TTLL11: variants seen among roughly 807,000 people sequenced by gnomAD.
TTLL11 encodes the protein tubulin polyglutamylase TTLL11.
A neutral mutation model predicts 51.7 loss-of-function variants in TTLL11; 42 were observed. The ratio of observed to expected loss-of-function variants is 0.81; its 90% CI spans 0.64 to 1.05. TTLL11 has a LOEUF of 1.05. Ranked by LOEUF, TTLL11 falls within the 50% of genes least tolerant of loss-of-function variation. The pLI is 0.00. For synonymous variants in TTLL11, 381 were observed against 383.5 expected (o/e 0.99, Z 0.08); for missense variants, 799 against 940.4 (o/e 0.85, Z 1.97).
Position 121,941,670 on chromosome 9 carries a change from A to G in TTLL11, c.1481+32339T>C, listed in dbSNP as rs188544909. 1.2e-4 allele frequency among the ~76,000 whole-genome samples: 18 copies of G among 152,234 alleles called. No homozygotes were observed. The East Asian group carries it at 3.5e-3, about 29-fold the overall frequency. ...CAATTCTTTCCCAGCTCCCCTGCCC[A>G]GTGCTTTTGTTCAGAGGGCACACTT... On this transcript the variant is annotated intron_variant, in intron 6 of 8. Coordinates refer to ENST00000321582, the MANE Select transcript of TTLL11 (RefSeq NM_001139442.2).
chr9:121,872,939 A>G (rs1048129587), intron 6 of TTLL11, among the ~76,000 whole-genome samples: 1 of 152,182 alleles, frequency 6.6e-6, no homozygotes. Context: ...AAGACAGTAA[A>G]TATCAGGTGG....
At chr9:121,877,183 T>G (rs911324557) in intron 6 of TTLL11, among the ~76,000 whole-genome samples, 21 of 152,304 alleles carry the variant, frequency 1.4e-4, no homozygotes, top group Admixed American at 1.4e-3. Flanking sequence ...ACTAGCGGAT[T>G]CCAAACGCAC....
At chr9:121,825,786 T>C (rs1836734199) in intron 8 of TTLL11, among the ~76,000 whole-genome samples, 1 of 151,920 alleles carries the variant, frequency 6.6e-6, no homozygotes, top group Non-Finnish European at 1.5e-5. Flanking sequence ...GTTCCCTTAG[T>C]TGATGGTAGA....
At chr9:121,902,762 GGGCCACAGGAATGGTCAGT>G (rs1839818695) in intron 6 of TTLL11, among the ~76,000 whole-genome samples, 2 of 152,074 alleles carry the variant, frequency 1.3e-5, no homozygotes, top group Admixed American at 6.6e-5. Context: ...AGCAGACCCA[GGGCCACAGGAATGGTCAGT>G]GGCCACAGGA....
intron 1 of TTLL11, among the ~76,000 whole-genome samples, chr9:122,052,761 C>T (rs111287717): frequency 1.3e-5 from 2 of 152,144 alleles, no homozygotes; most frequent in African/African-American, 4.8e-5. Flanking sequence ...TGGGTAGGCA[C>T]GTAACCTCTG....
At chr9:121,839,660 C>T (rs1379949119) in intron 8 of TTLL11, among the ~76,000 whole-genome samples, 1 of 152,180 alleles carries the variant, frequency 6.6e-6, no homozygotes, top group Non-Finnish European at 1.5e-5. Context: ...CCATTCTATC[C>T]AAAGATGGGC....
chr9:121,997,321 G>T (rs1318638191), intron 3 of TTLL11, among the ~76,000 whole-genome samples: 4 of 152,148 alleles, frequency 2.6e-5, no homozygotes, highest in Non-Finnish European at 5.9e-5. Flanking sequence ...GCTGAGGGGA[G>T]TGAGAACACA....
At chr9:121,827,122 CA>C (rs1836836492) in intron 8 of TTLL11, among the ~76,000 whole-genome samples, 2 of 151,922 alleles carry the variant, frequency 1.3e-5, no homozygotes, top group Non-Finnish European at 2.9e-5. Context: ...GATTTCTAAC[CA>C]TTTTTTTTTA....
chr9:121,842,259 A>ATTT (rs1427793063), intron 8 of TTLL11, among the ~76,000 whole-genome samples: 49 of 146,176 alleles, frequency 3.4e-4, no homozygotes, highest in South Asian at 1.5e-3. Context: ...CTTTTTTTTA[A>ATTT]AAAAAAAAGA....
At chr9:121,884,758 CA>C (rs1838943166) in intron 6 of TTLL11, 1 of 152,184 alleles carries the variant, frequency 6.6e-6, no homozygotes, top group Admixed American at 6.5e-5. Flanking sequence ...GACACAGAGA[CA>C]GGGGGCACTT....
intron 1 of TTLL11, among the ~76,000 whole-genome samples, chr9:122,092,168 G>A (rs916501880): frequency 6.6e-6 from 1 of 152,198 alleles, no homozygotes; most frequent in African/African-American, 2.4e-5. Context: ...TCACTTTACA[G>A]AGAAGGTAAT....
chr9:121,975,017 A>G (rs1842667139), intron 4 of TTLL11, 38 bp from the exon 5 acceptor site: 1 of 1,431,440 alleles, frequency 7.0e-7, no homozygotes, highest in African/African-American at 1.5e-5. Context: ...TACTGTCTCT[A>G]TTGAGTATGG....
At position 122,040,386 on chromosome 9, in the gene TTLL11, G is replaced by T. The variant is rs547314848; in HGVS notation, c.463-1018C>A. 121 of 984,458 alleles carry T rather than the reference G, an allele frequency of 1.2e-4. 2 individuals are homozygous for T. In the South Asian group the frequency reaches 4.9e-3, roughly 40 times the overall value. The allele number at this position is 984,458 out of a possible 1,614,324, so 61.0% of individuals were successfully genotyped here. A position where few individuals can be genotyped will look rare whatever the true frequency, so the allele number is the denominator to read the frequency against. On this transcript the variant is annotated intron_variant, in intron 1 of 8. Transcript: ENST00000321582. Reference sequence around the variant, plus strand: ...GAAAATTTCTCACCGAGACAAAAGGGCCTGTTCTTTCCACTACATCCTGTT... The same window carrying T: ...GAAAATTTCTCACCGAGACAAAAGGTCCTGTTCTTTCCACTACATCCTGTT...
At chr9:121,914,965 C>T (rs1044475450) in intron 6 of TTLL11, among the ~76,000 whole-genome samples, 2 of 152,166 alleles carry the variant, frequency 1.3e-5, no homozygotes, top group African/African-American at 4.8e-5. Context: ...TGCCTCTAAC[C>T]CGCTCTCCAC....
intron 6 of TTLL11, among the ~76,000 whole-genome samples, chr9:121,892,838 T>TG (rs1839303481): frequency 6.6e-6 from 1 of 151,858 alleles, no homozygotes; most frequent in African/African-American, 2.4e-5. Flanking sequence ...CTGTTTTGAG[T>TG]GGGGAAGGAG....
At chr9:121,943,496 A>G (rs948898616) in intron 6 of TTLL11, among the ~76,000 whole-genome samples, 2 of 152,218 alleles carry the variant, frequency 1.3e-5, no homozygotes, top group Admixed American at 1.3e-4. Flanking sequence ...CCGAGGGACA[A>G]AACCTTTTAT....
intron 7 of TTLL11, among the ~76,000 whole-genome samples, chr9:121,862,626 C>T (rs1413337191): frequency 2.6e-5 from 4 of 152,198 alleles, no homozygotes; most frequent in African/African-American, 9.6e-5. Flanking sequence ...CTGGAAGCAG[C>T]CCTTGGCTTG....
At chr9:121,897,182 G>GT (rs1554766677) in intron 6 of TTLL11, among the ~76,000 whole-genome samples, 1 of 152,212 alleles carries the variant, frequency 6.6e-6, no homozygotes, top group East Asian at 1.9e-4. Context: ...GCTTGCAGTA[G>GT]TTTTTTTCCA....
intron 4 of TTLL11, among the ~76,000 whole-genome samples, chr9:121,981,397 C>T (rs1314147091): frequency 6.6e-6 from 1 of 152,142 alleles, no homozygotes; most frequent in Non-Finnish European, 1.5e-5. Flanking sequence ...ATAGAAGTTT[C>T]ATTTGGCTCT....
Sources: allele counts gnomAD v4.1 joint callset (sites outside exome capture counted in the v4.1 genomes callset), GRCh38; gene constraint gnomAD v4.1.1; transcripts MANE v1.5; gene names NCBI Gene and HGNC (gene_info 2026-07-23, HGNC 2026-07-21).